The following MTAP variants were observed in gnomAD, a reference collection of about 807,000 sequenced individuals.
The protein encoded by MTAP is S-methyl-5'-thioadenosine phosphorylase.
Under a neutral mutation model 33.6 loss-of-function variants are expected in MTAP, and 33 were observed. The ratio of observed to expected loss-of-function variants is 0.98; its 90% CI spans 0.74 to 1.31. The LOEUF (loss-of-function observed/expected upper bound fraction) is 1.31, where lower values mean the gene tolerates loss of function less well. MTAP is among the 40% of genes most tolerant of loss of function. The pLI is 0.00. For missense variants in MTAP, 367 were observed against 360.0 expected, an observed-to-expected ratio of 1.02 and a Z score of -0.16; for synonymous variants, 148 against 125.7, an observed-to-expected ratio of 1.18 and a Z score of -1.19.
chr9:21,933,209 A>T (rs1273300612), downstream of MTAP: 1 of 152,210 alleles, frequency 6.6e-6, no homozygotes. Flanking sequence ...TTGAAGCTGG[A>T]TGGGGAAGAC....
chr9:21,890,326 C>T (rs1818179709), intron 1 of MTAP, among the ~76,000 whole-genome samples: 1 of 152,178 alleles, frequency 6.6e-6, no homozygotes, highest in Non-Finnish European at 1.5e-5. Context: ...CCAGCAATCA[C>T]CGCTGAGATC....
At chr9:21,939,889 A>G (rs1027337637), downstream of MTAP, among the ~76,000 whole-genome samples, 7 of 152,146 alleles carry the variant, frequency 4.6e-5, no homozygotes, top group African/African-American at 1.7e-4. Context: ...TCTCAAAAAA[A>G]AAAGAATATA....
chr9:21,875,696 A>G (rs1038559796), intron 1 of MTAP, among the ~76,000 whole-genome samples: 1 of 152,106 alleles, frequency 6.6e-6, no homozygotes, highest in East Asian at 1.9e-4. Context: ...ATCCAGCTCC[A>G]TCTATGTTCC....
chr9:21,874,982 C>T (rs1311722377), intron 1 of MTAP, among the ~76,000 whole-genome samples: 1 of 152,142 alleles, frequency 6.6e-6, no homozygotes, highest in East Asian at 1.9e-4. Context: ...CCAGCTTCAT[C>T]CATGTCCCTG....
At position 21,883,708 on chromosome 9, in the gene MTAP, G is replaced by T. The variant is rs144635003; in HGVS notation, c.147+28838G>T. ...GATAGCAAAAAAAAAATCTGCTGATGTAGCCAGACCACAGGTGGTCTGGAG... is the reference window on the plus strand; with the variant it reads ...GATAGCAAAAAAAAAATCTGCTGATTTAGCCAGACCACAGGTGGTCTGGAG... On this transcript the variant is annotated intron_variant, in intron 1 of 1. Transcript: ENST00000577563. Among the ~76,000 whole-genome samples the T allele has an allele frequency of 3.5e-3, 524 of 151,496 alleles. 3 individuals are homozygous for T. Among genetic ancestry groups the T allele is most frequent in the African/African-American group, 0.011 (463 of 41,286 alleles).
At chr9:21,893,188 A>C (rs1023218333) in intron 1 of MTAP, 14 of 152,164 alleles carry the variant, frequency 9.2e-5, no homozygotes, top group African/African-American at 2.9e-4. Flanking sequence ...AATTACCTCC[A>C]CCTGGTCCTG....
At chr9:21,831,171 C>T (rs1173322218) in intron 4 of MTAP, among the ~76,000 whole-genome samples, 1 of 152,142 alleles carries the variant, frequency 6.6e-6, no homozygotes, top group Non-Finnish European at 1.5e-5. Context: ...ACTGTCCATG[C>T]CATTAAAGAT....
chr9:21,852,755 A>G (rs1471106401), intron 5 of MTAP, among the ~76,000 whole-genome samples: 2 of 151,848 alleles, frequency 1.3e-5, no homozygotes, highest in East Asian at 3.9e-4. Context: ...GGGAAGGGAC[A>G]GTGGTTTTCC....
At chr9:21,856,591 CAT>C (rs1178480130) in intron 6 of MTAP, among the ~76,000 whole-genome samples, 1 of 152,178 alleles carries the variant, frequency 6.6e-6, no homozygotes, top group Non-Finnish European at 1.5e-5. Flanking sequence ...AGTCTAATAA[CAT>C]ATGTCTCCTC....
intron 4 of MTAP, among the ~76,000 whole-genome samples, chr9:21,827,294 C>T (rs149287740): frequency 6.6e-6 from 1 of 152,168 alleles, no homozygotes. Context: ...CTCCTCCCAT[C>T]AGTTATCTCT....
intron 4 of MTAP, among the ~76,000 whole-genome samples, chr9:21,825,244 G>A (rs938961750): frequency 2.0e-5 from 3 of 152,106 alleles, no homozygotes; most frequent in Non-Finnish European, 2.9e-5. Context: ...TCTTGGAACC[G>A]CCTCTCCCAC....
At position 21,851,323 on chromosome 9, in the gene MTAP, T is replaced by C. The variant is rs186417521; in HGVS notation, c.451-3308T>C. On this transcript the variant is annotated intron_variant, in intron 5 of 7. Transcript: ENST00000644715. Reference sequence around the variant, plus strand: ...ACAGAAATGAGGACTGTAATTGTCATGAGTATTTCCTCCTCCTTTTGTTAA... The same window carrying C: ...ACAGAAATGAGGACTGTAATTGTCACGAGTATTTCCTCCTCCTTTTGTTAA... 5.1e-3 allele frequency among the ~76,000 whole-genome samples: 775 copies of C among 152,364 alleles called. 3 individuals are homozygous for C. Among genetic ancestry groups the C allele is most frequent in the African/African-American group, 0.018 (735 of 41,578 alleles).
chr9:21,939,039 G>T (rs1457172358), downstream of MTAP, among the ~76,000 whole-genome samples: 2 of 152,190 alleles, frequency 1.3e-5, no homozygotes, highest in Admixed American at 6.5e-5. Context: ...CCAGGGAGAG[G>T]TTATTGAATC....
chr9:21,853,583 C>T (rs964170553), intron 5 of MTAP, among the ~76,000 whole-genome samples: 2 of 152,160 alleles, frequency 1.3e-5, no homozygotes, highest in African/African-American at 2.4e-5. Flanking sequence ...AGATTGGAGA[C>T]TTTGACTTTG....
intron 4 of MTAP, among the ~76,000 whole-genome samples, chr9:21,837,451 G>T (rs1035106393): frequency 8.5e-5 from 13 of 152,170 alleles, no homozygotes; most frequent in Non-Finnish European, 1.6e-4. Flanking sequence ...CAAAGCCTGG[G>T]ATTTGTGTTT....
chr9:21,921,296 T>C (rs1478743055), intron 1 of MTAP, among the ~76,000 whole-genome samples: 2 of 152,146 alleles, frequency 1.3e-5, no homozygotes, highest in Non-Finnish European at 2.9e-5. Flanking sequence ...GGGTCTTTTC[T>C]CTTTTGTTCT....
At chr9:21,870,943 A>G (rs949143478), downstream of MTAP, among the ~76,000 whole-genome samples, 1 of 151,612 alleles carries the variant, frequency 6.6e-6, no homozygotes, top group Admixed American at 6.6e-5. Context: ...GCTAATTTTT[A>G]TATTTTCAGT....
chr9:21,835,906 C>A (rs1415654213), intron 4 of MTAP, among the ~76,000 whole-genome samples: 1 of 152,216 alleles, frequency 6.6e-6, no homozygotes, highest in Admixed American at 6.5e-5. Flanking sequence ...CTACAAATAG[C>A]TGGGCAAACT....
intron 1 of MTAP, among the ~76,000 whole-genome samples, chr9:21,884,379 A>G (rs181569103): frequency 1.3e-5 from 2 of 152,344 alleles, no homozygotes; most frequent in East Asian, 3.9e-4. Context: ...ATCAATTAAA[A>G]TCAACAAAGT....
Sources: allele counts gnomAD v4.1 joint callset (sites outside exome capture counted in the v4.1 genomes callset), GRCh38; gene constraint gnomAD v4.1.1; transcripts MANE v1.5; gene names NCBI Gene and HGNC (gene_info 2026-07-23, HGNC 2026-07-21).